Variants in MAP7 observed in about 807,000 individuals in gnomAD.
The protein encoded by MAP7 is ensconsin.
In MAP7, 52 loss-of-function variants were observed where a neutral mutation model predicts 94.8. The observed-to-expected ratio is 0.55, with a 90% CI of 0.44 to 0.69. The LOEUF (loss-of-function observed/expected upper bound fraction) is 0.69, where lower values mean the gene tolerates loss of function less well. Among genes scored for constraint, MAP7 ranks in the 30% least tolerant of loss-of-function variants. The probability of loss-of-function intolerance (pLI) is 0.00; values close to 1 mark genes in which losing one functional copy is unlikely to be tolerated. For synonymous variants in MAP7, 350 were observed against 357.0 expected, an observed-to-expected ratio of 0.98 and a Z score of 0.22; for missense variants, 940 against 964.6, an observed-to-expected ratio of 0.97 and a Z score of 0.34.
Position 136,367,168 on chromosome 6 carries a change from C to A in MAP7, c.877-729G>T, listed in dbSNP as rs1376328226. On this transcript the variant is annotated intron_variant, in intron 8 of 17. Transcript: ENST00000354570. ...AATTCAGCTTGAGAGATGACACTTTCCTAAGTCAAAATGGGCAAAGGGAAG... is the reference window on the plus strand; with the variant it reads ...AATTCAGCTTGAGAGATGACACTTTACTAAGTCAAAATGGGCAAAGGGAAG... 2.0e-5 allele frequency among the ~76,000 whole-genome samples: 3 copies of A among 152,192 alleles called. No individual in the cohort carries two copies. In the East Asian group the frequency reaches 5.8e-4, roughly 29 times the overall value.
At chr6:136,380,107 G>A (rs1309545819) in intron 6 of MAP7, among the ~76,000 whole-genome samples, 5 of 152,136 alleles carry the variant, frequency 3.3e-5, no homozygotes, top group Non-Finnish European at 5.9e-5. Context: ...ACAACGCTAT[G>A]GCATCGATCC....
chr6:136,503,760 T>A (rs1456490438), intron 1 of MAP7, among the ~76,000 whole-genome samples: 1 of 152,122 alleles, frequency 6.6e-6, no homozygotes, highest in Non-Finnish European at 1.5e-5. Context: ...CAAGTGGAAG[T>A]GAATATGGGG....
At chr6:136,496,225 T>C (rs1019611994) in intron 1 of MAP7, among the ~76,000 whole-genome samples, 9 of 152,224 alleles carry the variant, frequency 5.9e-5, no homozygotes, top group Admixed American at 1.3e-4. Context: ...CTGGGGGACA[T>C]TGTTTAAGTT....
intron 11 of MAP7, among the ~76,000 whole-genome samples, chr6:136,361,705 C>CAAA (rs1301815498): frequency 6.6e-6 from 1 of 152,194 alleles, no homozygotes; most frequent in Non-Finnish European, 1.5e-5. Flanking sequence ...ATTATATTGA[C>CAAA]ATTCGTCTTA....
intron 1 of MAP7, among the ~76,000 whole-genome samples, chr6:136,475,702 G>A (rs537219989): frequency 6.6e-6 from 1 of 152,128 alleles, no homozygotes; most frequent in East Asian, 2.0e-4. Flanking sequence ...TGTATGAGAA[G>A]GTTGGTTTAC....
chr6:136,466,953 G>A lies in MAP7; in HGVS notation c.68-45154C>T, dbSNP rs1461255358. ...TAGCTCAAGAGGAGAGCAAAGGGTG[G>A]TGAGACATACAACTCGACAGCCACT... On this transcript the variant is annotated intron_variant, in intron 1 of 17. Transcript: ENST00000354570. The A allele has an allele frequency of 4.5e-6, 6 of 1,340,128 alleles. No homozygotes were observed. In the African/African-American group the frequency reaches 8.8e-5, roughly 20 times the overall value. The allele number at this position is 1,340,128 out of a possible 1,614,324, so 83.0% of individuals were successfully genotyped here.
intron 1 of MAP7, chr6:136,466,895 C>T (rs1266696735): frequency 1.3e-6 from 2 of 1,515,486 alleles, no homozygotes; most frequent in African/African-American, 1.4e-5. Context: ...GCCGTTTAAT[C>T]ATGCTAACTA....
At chr6:136,397,277 C>T (rs563059961) in intron 3 of MAP7, among the ~76,000 whole-genome samples, 103 of 151,538 alleles carry the variant, frequency 6.8e-4, no homozygotes, top group African/African-American at 2.2e-3. Context: ...CTTTAATACC[C>T]GGCCCTTCCA....
At chr6:136,446,883 T>C (rs1799526266) in intron 1 of MAP7, among the ~76,000 whole-genome samples, 1 of 152,338 alleles carries the variant, frequency 6.6e-6, no homozygotes, top group East Asian at 1.9e-4. Flanking sequence ...TAGTCATTTC[T>C]ACACAGAATA....
intron 1 of MAP7, among the ~76,000 whole-genome samples, chr6:136,511,284 T>A (rs1163383648): frequency 6.6e-6 from 1 of 152,080 alleles, no homozygotes; most frequent in South Asian, 2.1e-4. Flanking sequence ...AGAATTAGGA[T>A]AGGATTTTCT....
chr6:136,430,391 T>C (rs893429013), intron 1 of MAP7, among the ~76,000 whole-genome samples: 1 of 152,090 alleles, frequency 6.6e-6, no homozygotes, highest in African/African-American at 2.4e-5. Flanking sequence ...AAGTAGAAAA[T>C]GTACAATACT....
intron 1 of MAP7, among the ~76,000 whole-genome samples, chr6:136,482,688 A>C (rs936658322): frequency 1.3e-5 from 2 of 152,128 alleles, no homozygotes; most frequent in East Asian, 3.9e-4. Flanking sequence ...ATGCCCATCA[A>C]TGGTAGGCAC....
At chr6:136,450,951 T>G (rs551400436) in intron 1 of MAP7, among the ~76,000 whole-genome samples, 1 of 152,172 alleles carries the variant, frequency 6.6e-6, no homozygotes, top group Non-Finnish European at 1.5e-5. Context: ...TATGCCTTTT[T>G]GGCATAAGGA....
chr6:136,510,376 C>T (rs1822903995), intron 1 of MAP7, among the ~76,000 whole-genome samples: 1 of 152,170 alleles, frequency 6.6e-6, no homozygotes, highest in South Asian at 2.1e-4. Context: ...GGGGACACTC[C>T]AGCCTGCAAG....
intron 17 of MAP7, among the ~76,000 whole-genome samples, chr6:136,344,629 T>C (rs947824978): frequency 6.6e-6 from 1 of 152,230 alleles, no homozygotes; most frequent in African/African-American, 2.4e-5. Flanking sequence ...TTCCTGTAAA[T>C]CTGTAACATG....
At chr6:136,533,553 C>G (rs1025831805) in intron 1 of MAP7, among the ~76,000 whole-genome samples, 1 of 152,136 alleles carries the variant, frequency 6.6e-6, no homozygotes, top group African/African-American at 2.4e-5. Flanking sequence ...TGTGTTAGTC[C>G]GTTTTGTGTT....
intron 1 of MAP7, among the ~76,000 whole-genome samples, chr6:136,439,312 T>C (rs1562401209): frequency 6.6e-6 from 1 of 152,164 alleles, no homozygotes; most frequent in Non-Finnish European, 1.5e-5. Context: ...GGACACAGCA[T>C]GGGGTCCTCT....
In MAP7 at chr6:136,388,623, T is replaced by G. The variant is rs147254034; in HGVS notation, c.409-113A>C. On this transcript the variant is annotated intron_variant, in intron 4 of 17. Coordinates refer to ENST00000354570, the MANE Select transcript of MAP7 (RefSeq NM_003980.6). Reference sequence around the variant, plus strand: ...TACTTCAATTCCCACTCTACTATTCTTGATCTCTAGCTGAACTTCTATACC... The same window carrying G: ...TACTTCAATTCCCACTCTACTATTCGTGATCTCTAGCTGAACTTCTATACC... 161 of 803,178 alleles carry G rather than the reference T, an allele frequency of 2.0e-4. No homozygotes were observed. The African/African-American group carries it at 2.5e-3, about 12-fold the overall frequency. The allele number at this position is 803,178 out of a possible 1,614,324, so 49.8% of individuals were successfully genotyped here. A position where few individuals can be genotyped will look rare whatever the true frequency, so the allele number is the denominator to read the frequency against.
chr6:136,377,701 G>T, intron 7 of MAP7, 54 bp downstream of exon 7: 1 of 1,304,410 alleles, frequency 7.7e-7, no homozygotes, highest in Non-Finnish European at 1.1e-6. Flanking sequence ...AGACGAATAT[G>T]CTTCAAAGGG....
Sources: allele counts gnomAD v4.1 joint callset (sites outside exome capture counted in the v4.1 genomes callset), GRCh38; gene constraint gnomAD v4.1.1; transcripts MANE v1.5; gene names NCBI Gene and HGNC (gene_info 2026-07-23, HGNC 2026-07-21).